Variants in SGIP1 observed in about 807,000 individuals in gnomAD.
The protein encoded by SGIP1 is SH3-containing GRB2-like protein 3-interacting protein 1.
Under a neutral mutation model 107.5 loss-of-function variants are expected in SGIP1, and 38 were observed. The ratio of observed to expected loss-of-function variants is 0.35; its 90% confidence interval spans 0.27 to 0.46. The LOEUF (loss-of-function observed/expected upper bound fraction) is 0.46. SGIP1 is among the 20% of genes least tolerant of loss of function. SGIP1 has a pLI of 1.00. For missense variants in SGIP1, 929 were observed against 1,019.5 expected, an observed-to-expected ratio of 0.91 and a Z score of 1.21; for synonymous variants, 365 against 366.1, an observed-to-expected ratio of 1.00 and a Z score of 0.03.
At chr1:66,651,432 T>C (rs192579201) in intron 7 of SGIP1, among the ~76,000 whole-genome samples, 2 of 152,360 alleles carry the variant, frequency 1.3e-5, no homozygotes, top group Admixed American at 6.5e-5. Context: ...CTGTTTCTAA[T>C]TGAGAACTCT....
chr1:66,630,140 TCAGAATA>T (rs1292319746), intron 2 of SGIP1, among the ~76,000 whole-genome samples: 9 of 152,062 alleles, frequency 5.9e-5, no homozygotes, highest in African/African-American at 2.2e-4. Context: ...AGACAAAGGA[TCAGAATA>T]GGACTCCAGT....
chr1:66,731,172 C>G (rs918496371), intron 20 of SGIP1, among the ~76,000 whole-genome samples: 1 of 152,194 alleles, frequency 6.6e-6, no homozygotes, highest in Admixed American at 6.5e-5. Context: ...CCATCTCCCC[C>G]ACAAGACTGT....
chr1:66,569,424 AT>A (rs772276201), intron 1 of SGIP1, among the ~76,000 whole-genome samples: 5 of 151,284 alleles, frequency 3.3e-5, no homozygotes, highest in Middle Eastern at 3.4e-3. Flanking sequence ...GTTTACTGAG[AT>A]TTTTTTTTAA....
intron 21 of SGIP1, among the ~76,000 whole-genome samples, chr1:66,734,586 T>C (rs538659): frequency 0.69 from 103,802 of 150,422 alleles, 36,725 homozygotes; most frequent in African/African-American, 0.78. Flanking sequence ...CTCACTGCAA[T>C]GTCCACCTCC....
At chr1:66,632,162 A>G (rs971467810) in intron 2 of SGIP1, among the ~76,000 whole-genome samples, 3 of 152,212 alleles carry the variant, frequency 2.0e-5, no homozygotes, top group Non-Finnish European at 4.4e-5. Context: ...AGTTCTCTCT[A>G]TATATTATCT....
At chr1:66,673,402 T>G (rs747063448) in intron 12 of SGIP1, 36 bp downstream of exon 12, 45 of 1,527,680 alleles carry the variant, frequency 2.9e-5, no homozygotes, top group Non-Finnish European at 3.9e-5. Flanking sequence ...TAGATTTGTT[T>G]TTTCTTTTAT....
At chr1:66,684,815 G>T (rs752390303) in intron 15 of SGIP1, among the ~76,000 whole-genome samples, 2 of 152,162 alleles carry the variant, frequency 1.3e-5, no homozygotes, top group Non-Finnish European at 2.9e-5. Flanking sequence ...GTTTTGTTGT[G>T]ATTTTAATGT....
intron 12 of SGIP1, among the ~76,000 whole-genome samples, chr1:66,674,355 T>A (rs757607496): frequency 6.6e-6 from 1 of 152,198 alleles, no homozygotes; most frequent in Non-Finnish European, 1.5e-5. Flanking sequence ...ATAAAATGGA[T>A]CTTATCTATC....
Position 66,683,700 on chromosome 1 carries a change from C to CT in SGIP1, c.1315+1359dup, listed in dbSNP as rs869266510. Among the ~76,000 whole-genome samples, 429 of 61,354 alleles carry CT rather than the reference C, an allele frequency of 7.0e-3. 33 individuals carry two copies. Among genetic ancestry groups the CT allele is most frequent in the African/African-American group, 0.011 (200 of 17,634 alleles). 40.3% of individuals were successfully genotyped at this position (61,354 alleles called of 152,430 possible). ...ACCACACTGTTTGTTTGTTTCTTTT[C>CT]TTTTTTTTTTTTTTTTTTTTTTTTT... On this transcript the variant is annotated intron_variant, in intron 15 of 24. Transcript: ENST00000371037.
chr1:66,665,830 CT>C (rs1269713908), intron 8 of SGIP1: 1 of 152,086 alleles, frequency 6.6e-6, no homozygotes, highest in East Asian at 1.9e-4. Context: ...TTGATTTTTT[CT>C]TGTAAATTTG....
Position 66,671,935 on chromosome 1 carries a change from G to C in SGIP1, c.509-9G>C, listed in dbSNP as rs2083922119. On this transcript the variant is annotated splice_polypyrimidine_tract_variant and intron_variant, in intron 10 of 24. Coordinates refer to ENST00000371037, the MANE Select transcript of SGIP1 (RefSeq NM_032291.4). ...TTTGTCTAAAAAGTTCCTTTGTCCT[G>C]TGCATCAGGTGAAGAAGTGGCAAGA... is the stretch of plus-strand genomic sequence containing the variant. 2 of 1,613,888 alleles carry C rather than the reference G, an allele frequency of 1.2e-6. No individual in the cohort carries two copies. Among genetic ancestry groups the C allele is most frequent in the Non-Finnish European group, 1.7e-6 (2 of 1,179,834 alleles).
chr1:66,583,192 C>T (rs111696510), intron 1 of SGIP1, among the ~76,000 whole-genome samples: 2,994 of 152,024 alleles, frequency 0.02, 96 homozygotes, highest in African/African-American at 0.068. Flanking sequence ...GAAAAGTTTA[C>T]GTGGTTTTGA....
At chr1:66,665,419 C>T (rs1457133733) in intron 8 of SGIP1, among the ~76,000 whole-genome samples, 1 of 152,160 alleles carries the variant, frequency 6.6e-6, no homozygotes, top group Non-Finnish European at 1.5e-5. Flanking sequence ...GTGAATAGTG[C>T]CACAATAAAC....
intron 1 of SGIP1, among the ~76,000 whole-genome samples, chr1:66,568,273 T>C (rs2059924480): frequency 6.6e-6 from 1 of 152,114 alleles, no homozygotes; most frequent in South Asian, 2.1e-4. Flanking sequence ...CCATTGTGAA[T>C]GGGAGTTCAT....
At chr1:66,579,102 G>A (rs1057357399) in intron 1 of SGIP1, among the ~76,000 whole-genome samples, 11 of 152,008 alleles carry the variant, frequency 7.2e-5, no homozygotes, top group African/African-American at 2.2e-4. Context: ...ATTTATTTTG[G>A]GGTCTGTAAA....
chr1:66,719,089 A>C (rs1325916038), intron 18 of SGIP1, among the ~76,000 whole-genome samples: 1 of 152,092 alleles, frequency 6.6e-6, no homozygotes, highest in Non-Finnish European at 1.5e-5. Context: ...ATTAATTTCA[A>C]GTGTGTTTGT....
chr1:66,615,259 T>A (rs763673170), intron 1 of SGIP1, among the ~76,000 whole-genome samples: 35 of 152,096 alleles, frequency 2.3e-4, no homozygotes, highest in Non-Finnish European at 4.1e-4. Context: ...CTCAGCATCC[T>A]GAGTAGCTGG....
chr1:66,692,169 A>AAG (rs1425692735), intron 17 of SGIP1, among the ~76,000 whole-genome samples: 1 of 151,504 alleles, frequency 6.6e-6, no homozygotes, highest in Non-Finnish European at 1.5e-5. Flanking sequence ...TCAAAAAAAA[A>AAG]AAAAAGAGAG....
chr1:66,539,142 GA>G (rs1421165391), intron 1 of SGIP1, among the ~76,000 whole-genome samples: 1 of 152,202 alleles, frequency 6.6e-6, no homozygotes, highest in Non-Finnish European at 1.5e-5. Flanking sequence ...AAAGGAGTTG[GA>G]AGAGAGAAAA....
Sources: allele counts gnomAD v4.1 joint callset (sites outside exome capture counted in the v4.1 genomes callset), GRCh38; gene constraint gnomAD v4.1.1; transcripts MANE v1.5; gene names NCBI Gene and HGNC (gene_info 2026-07-23, HGNC 2026-07-21).